The following FBN2 variants were observed in gnomAD, a reference collection of about 807,000 sequenced individuals.
The protein encoded by FBN2 is fibrillin 2.
In FBN2, 105 loss-of-function variants were observed where a neutral mutation model predicts 355.6. That is an observed-to-expected ratio of 0.30 (90% CI 0.25 to 0.35). The LOEUF is 0.35. FBN2 is among the 10% of genes least tolerant of loss of function. FBN2 has a pLI of 1.00. For missense variants in FBN2, 3,280 were observed against 3,758.7 expected (o/e 0.87, Z 3.33); for synonymous variants, 1,350 against 1,301.2 (o/e 1.04, Z -0.81).
chr5:128,434,115 C>A lies in FBN2; in HGVS notation c.952+12366G>T, dbSNP rs1248080077. Among the ~76,000 whole-genome samples, 6 of 151,986 alleles carry A rather than the reference C, an allele frequency of 3.9e-5. No individual in the cohort carries two copies. In the East Asian group the frequency reaches 1.2e-3, roughly 29 times the overall value. ...TGACTAGAACTAAAATTCTCAGAATCCTTCATATTATCCTTAAAATATAAT... is the reference window on the plus strand; with the variant it reads ...TGACTAGAACTAAAATTCTCAGAATACTTCATATTATCCTTAAAATATAAT... On this transcript the variant is annotated intron_variant, in intron 7 of 64. Coordinates refer to ENST00000262464, the MANE Select transcript of FBN2 (RefSeq NM_001999.4).
intron 38 of FBN2, 103 bp from the exon 39 acceptor site, chr5:128,311,528 A>C (rs1750057283): frequency 2.5e-6 from 3 of 1,220,838 alleles, no homozygotes; most frequent in Non-Finnish European, 3.6e-6. Flanking sequence ...TCAGATTTCT[A>C]TGCATCCAAA....
intron 11 of FBN2, among the ~76,000 whole-genome samples, chr5:128,382,354 C>A (rs1057487643): frequency 1.3e-5 from 2 of 152,012 alleles, no homozygotes; most frequent in African/African-American, 4.8e-5. Context: ...TGAGCTAGAA[C>A]GAGGTGCGTC....
At chr5:128,292,709 G>T (rs1749360976) in intron 48 of FBN2, among the ~76,000 whole-genome samples, 2 of 152,132 alleles carry the variant, frequency 1.3e-5, no homozygotes, top group South Asian at 4.1e-4. Context: ...TATGCTCCTT[G>T]TCGTGCTCAT....
chr5:128,491,417 A>T (rs888207375), intron 5 of FBN2, among the ~76,000 whole-genome samples: 1 of 152,218 alleles, frequency 6.6e-6, no homozygotes, highest in African/African-American at 2.4e-5. Context: ...GTTACTGACA[A>T]AAACAGTGCT....
chr5:128,455,882 C>G (rs1464630541), intron 6 of FBN2, among the ~76,000 whole-genome samples: 2 of 149,580 alleles, frequency 1.3e-5, no homozygotes, highest in Non-Finnish European at 3.0e-5. Context: ...AGCCTCTGAG[C>G]AGGAATCTGC....
rs1561456077 is a variant in FBN2, at chr5:128,436,665, T to TA, written c.952+9815_952+9816insT. ...TGATTCTTAAACCCAGTGGCTCCAC[T>TA]TAAAAAAAAAAAAAAAGAAAAAAAA... On this transcript the variant is annotated intron_variant, in intron 7 of 64. Transcript: ENST00000262464. Among the ~76,000 whole-genome samples, 995 of 138,672 alleles carry TA rather than the reference T, an allele frequency of 7.2e-3. 10 individuals carry two copies. The highest frequency in any genetic ancestry group is 0.024 in the African/African-American group (907 of 37,068). The allele number at this position is 138,672 out of a possible 152,430, so 91.0% of individuals were successfully genotyped here.
intron 11 of FBN2, among the ~76,000 whole-genome samples, chr5:128,388,711 T>A (rs1752430975): frequency 6.6e-6 from 1 of 152,142 alleles, no homozygotes; most frequent in Non-Finnish European, 1.5e-5. Flanking sequence ...TCCACTGTTA[T>A]CCTGATGGGG....
intron 19 of FBN2, 77 bp downstream of exon 19, chr5:128,361,646 C>T: frequency 6.8e-7 from 1 of 1,468,444 alleles, no homozygotes; most frequent in Non-Finnish European, 9.5e-7. Flanking sequence ...CACTACATTG[C>T]TTCATCACTG....
At chr5:128,519,240 C>T (rs1756365449) in intron 5 of FBN2, 33 bp downstream of exon 5, 1 of 1,442,122 alleles carries the variant, frequency 6.9e-7, no homozygotes, top group East Asian at 2.3e-5. Context: ...AAATAGACTT[C>T]TTCAGAAAGT....
At chr5:128,296,623 G>A (rs1187396170) in intron 48 of FBN2, among the ~76,000 whole-genome samples, 2 of 152,082 alleles carry the variant, frequency 1.3e-5, no homozygotes, top group African/African-American at 2.4e-5. Context: ...GTTTATTTGT[G>A]TAGAGGTGTT....
chr5:128,473,699 C>T (rs948443749), intron 5 of FBN2, among the ~76,000 whole-genome samples: 13 of 152,162 alleles, frequency 8.5e-5, no homozygotes, highest in African/African-American at 2.7e-4. Flanking sequence ...CTCCTGCCTC[C>T]TATGTATAAT....
At chr5:128,302,845 T>C (rs866962601) in intron 46 of FBN2, 128 bp downstream of exon 46, 1 of 710,750 alleles carries the variant, frequency 1.4e-6, no homozygotes, top group Middle Eastern at 2.5e-4. Flanking sequence ...AATGAAATTA[T>C]ATATCTTTTG....
At chr5:128,524,813 A>G (rs1313242439) in intron 4 of FBN2, among the ~76,000 whole-genome samples, 1 of 152,094 alleles carries the variant, frequency 6.6e-6, no homozygotes, top group Non-Finnish European at 1.5e-5. Flanking sequence ...TATATGTTCT[A>G]TTATCCCTGA....
At chr5:128,411,118 A>G (rs1407484864) in intron 7 of FBN2, among the ~76,000 whole-genome samples, 1 of 152,016 alleles carries the variant, frequency 6.6e-6, no homozygotes, top group Non-Finnish European at 1.5e-5. Context: ...CCTTTGCTGG[A>G]GGGGAGCACA....
At position 128,272,042 on chromosome 5, in the gene FBN2, G is replaced by A. The variant is rs764943181; in HGVS notation, c.7917C>T (p.Cys2639=). The change falls in exon 62 of 65, where the codon TGC becomes TGT. Residue 2639 remains cysteine (C), a synonymous_variant. Transcript: ENST00000262464. ...GGTAGTGCTGGATGTAGCCTTGGGG[G>A]CAGCCACATCTGTAGCCACCCAGGA... ...QNILGGYRCG[C]PQGYIQHYQW... is the part of the protein sequence containing the mutation. The A allele has an allele frequency of 1.9e-6, 3 of 1,613,796 alleles. No individual in the cohort carries two copies. The highest frequency in any genetic ancestry group is 2.2e-5 in the East Asian group (1 of 44,872).
intron 5 of FBN2, among the ~76,000 whole-genome samples, chr5:128,471,115 T>C (rs549800243): frequency 6.6e-6 from 1 of 152,266 alleles, no homozygotes; most frequent in South Asian, 2.1e-4. Context: ...TCATCTTGTA[T>C]GGGAGTTACA....
At chr5:128,359,950 T>A (rs776452292) in intron 19 of FBN2, among the ~76,000 whole-genome samples, 16 of 152,138 alleles carry the variant, frequency 1.1e-4, no homozygotes, top group Non-Finnish European at 1.9e-4. Flanking sequence ...TCCATTTAGT[T>A]CCGCATTACG....
chr5:128,426,738 C>T (rs1446491308), intron 7 of FBN2, among the ~76,000 whole-genome samples: 3 of 152,186 alleles, frequency 2.0e-5, no homozygotes, highest in Admixed American at 2.0e-4. Context: ...TTCTATCTTT[C>T]CAGTCCTTTC....
intron 19 of FBN2, among the ~76,000 whole-genome samples, chr5:128,361,108 T>C (rs1751627622): frequency 6.6e-6 from 1 of 152,198 alleles, no homozygotes; most frequent in African/African-American, 2.4e-5. Context: ...ATTTAACTCA[T>C]TTAAGTAACT....
Sources: allele counts gnomAD v4.1 joint callset (sites outside exome capture counted in the v4.1 genomes callset), GRCh38; gene constraint gnomAD v4.1.1; transcripts MANE v1.5; gene names NCBI Gene and HGNC (gene_info 2026-07-23, HGNC 2026-07-21).